CSNK2A1: variants seen among roughly 807,000 people sequenced by gnomAD.
The protein encoded by CSNK2A1 is casein kinase II subunit alpha.
Under a neutral mutation model 62.9 loss-of-function variants are expected in CSNK2A1, and 10 were observed. The ratio of observed to expected loss-of-function variants is 0.16; its 90% CI spans 0.10 to 0.27. The LOEUF is 0.27. Ranked by LOEUF, CSNK2A1 falls within the 10% of genes least tolerant of loss-of-function variation. CSNK2A1 has a pLI of 1.00. For missense variants in CSNK2A1, 160 were observed against 492.0 expected (o/e 0.33, Z 6.38); for synonymous variants, 124 against 167.8 (o/e 0.74, Z 2.02).
chr20:535,314 CATTGAT>C (rs1377585325), intron 1 of CSNK2A1, among the ~76,000 whole-genome samples: 1 of 152,188 alleles, frequency 6.6e-6, no homozygotes, highest in African/African-American at 2.4e-5. Context: ...TTTTATTTGA[CATTGAT>C]AACCTTCTCA....
In CSNK2A1 at chr20:482,541, C is replaced by T. The variant is rs2017974595; in HGVS notation, c.*1420G>A. ...GGCTTGTGGTGCTTTTTTTTTAAGG[C>T]CTCTCTGCTCTGCCCGGTACCATGG... On this transcript the variant is annotated 3_prime_UTR_variant, in exon 14 of 14. Transcript: ENST00000217244. 1 of 151,998 alleles carries T rather than the reference C, an allele frequency of 6.6e-6. No individual in the cohort carries two copies. The highest frequency in any genetic ancestry group is 2.1e-4 in the South Asian group (1 of 4,824). 9.4% of individuals were successfully genotyped at this position (151,998 alleles called of 1,614,324 possible).
At chr20:504,806 A>G (rs2018542358) in intron 4 of CSNK2A1, 1 of 299,014 alleles carries the variant, frequency 3.3e-6, no homozygotes, top group Non-Finnish European at 6.1e-6. Flanking sequence ...ATTGAAAACA[A>G]AAGCCTCATT....
chr20:484,612 TG>T (rs1268563362), intron 13 of CSNK2A1, among the ~76,000 whole-genome samples: 1 of 152,206 alleles, frequency 6.6e-6, no homozygotes, highest in Non-Finnish European at 1.5e-5. Context: ...TCAATTTGAA[TG>T]GGGAAAGAGC....
intron 2 of CSNK2A1, among the ~76,000 whole-genome samples, chr20:524,479 G>A (rs1042117731): frequency 1.3e-5 from 2 of 149,756 alleles, no homozygotes; most frequent in Non-Finnish European, 3.0e-5. Flanking sequence ...ATCTAGGCCA[G>A]GTGTGGTGGC....
At chr20:525,188 G>A (rs150663780) in intron 2 of CSNK2A1, among the ~76,000 whole-genome samples, 95 of 152,162 alleles carry the variant, frequency 6.2e-4, no homozygotes, top group Middle Eastern at 3.4e-3. Flanking sequence ...ATTTCAAAAC[G>A]TGGGATACAA....
chr20:527,828 T>A (rs1251985454), intron 2 of CSNK2A1, 105 bp downstream of exon 2: 1 of 152,246 alleles, frequency 6.6e-6, no homozygotes, highest in Non-Finnish European at 1.5e-5. Flanking sequence ...CATGAGCCAC[T>A]GTGCCCGGCC....
At chr20:488,040 CT>C (rs530136543) in intron 11 of CSNK2A1, 1,404 of 142,964 alleles carry the variant, frequency 9.8e-3, no homozygotes, top group South Asian at 0.023. Flanking sequence ...TGCATATAGC[CT>C]TTTTTTTTTT....
intron 2 of CSNK2A1, among the ~76,000 whole-genome samples, chr20:527,379 G>A (rs2019119816): frequency 6.6e-6 from 1 of 152,148 alleles, no homozygotes; most frequent in South Asian, 2.1e-4. Context: ...TCTTTGAACT[G>A]CACAGATTAA....
At chr20:528,418 CA>C (rs932846477) in intron 1 of CSNK2A1, among the ~76,000 whole-genome samples, 2 of 152,092 alleles carry the variant, frequency 1.3e-5, no homozygotes, top group African/African-American at 4.8e-5. Flanking sequence ...ATGCCTATGT[CA>C]GTCACTGATT....
chr20:534,745 C>T (rs1482688284), intron 1 of CSNK2A1, among the ~76,000 whole-genome samples: 1 of 151,792 alleles, frequency 6.6e-6, no homozygotes, highest in Non-Finnish European at 1.5e-5. Flanking sequence ...TTCTTCAGAC[C>T]AGGCTGGGTG....
rs2017779522 is a variant in CSNK2A1 at position 472,857 on chromosome 20, G to C, written c.*11104C>G. 1 of 152,154 alleles carries C rather than the reference G, an allele frequency of 6.6e-6. No individual in the cohort carries two copies. The highest frequency in any genetic ancestry group is 1.5e-5 in the Non-Finnish European group (1 of 68,030). The allele number at this position is 152,154 out of a possible 1,614,324, so 9.4% of individuals were successfully genotyped here. A position where few individuals can be genotyped will look rare whatever the true frequency, so the allele number is the denominator to read the frequency against. On this transcript the variant is annotated 3_prime_UTR_variant, in exon 14 of 14. Transcript: ENST00000217244. Reference sequence around the variant, plus strand: ...ACCTCTCGGCCTTCCAAGAAGGTTTGTGTCTTTCCTATAATTTCTCCCACC... The same window carrying C: ...ACCTCTCGGCCTTCCAAGAAGGTTTCTGTCTTTCCTATAATTTCTCCCACC...
At chr20:489,717 A>C in intron 10 of CSNK2A1, 63 bp downstream of exon 10, 1 of 1,348,998 alleles carries the variant, frequency 7.4e-7, no homozygotes, top group Non-Finnish European at 1.0e-6. Context: ...TGAAAGTTAC[A>C]GGCAGTGCTG....
In CSNK2A1 at chr20:487,623, AG is replaced by A. The variant is rs775358908; in HGVS notation, c.825-49del. On this transcript the variant is annotated intron_variant, in intron 11 of 13. Coordinates refer to ENST00000217244, the MANE Select transcript of CSNK2A1 (RefSeq NM_177559.3). ...GAGAAATGGGCCACGTGGGCACAGA[AG>A]CCCAACATTTCATTCCTACATTTTT... 1.9e-6 allele frequency: 3 copies of A among 1,612,112 alleles called. No individual in the cohort carries two copies. The South Asian group carries it at 3.3e-5, about 18-fold the overall frequency.
intron 1 of CSNK2A1, among the ~76,000 whole-genome samples, chr20:528,971 A>AC (rs1474345252): frequency 1.3e-5 from 2 of 152,242 alleles, no homozygotes; most frequent in African/African-American, 4.8e-5. Context: ...GGTTTCAGTT[A>AC]CCCGCAGTCA....
At chr20:502,759 T>C (rs934048665) in intron 4 of CSNK2A1, 24 of 152,376 alleles carry the variant, frequency 1.6e-4, no homozygotes, top group African/African-American at 5.5e-4. Context: ...AGATTATTTT[T>C]TCCAGGCCTT....
intron 2 of CSNK2A1, among the ~76,000 whole-genome samples, chr20:512,131 C>G (rs985282059): frequency 6.6e-6 from 1 of 151,956 alleles, no homozygotes; most frequent in Non-Finnish European, 1.5e-5. Flanking sequence ...TCAAGGGATC[C>G]TCCCACCTCG....
In CSNK2A1 at chr20:479,189, A is replaced by G. The variant is rs1296816655; in HGVS notation, c.*4772T>C. The G allele has an allele frequency of 6.6e-6, 1 of 152,384 alleles. No homozygotes were observed. Among genetic ancestry groups the G allele is most frequent in the East Asian group, 1.9e-4 (1 of 5,202 alleles). The allele number at this position is 152,384 out of a possible 1,614,324, so 9.4% of individuals were successfully genotyped here. ...AGAAATTTTCCAAATGCAAACATCT[A>G]TGGCCTCCCTATAATGTAGCATCCT... On this transcript the variant is annotated 3_prime_UTR_variant, in exon 14 of 14. Coordinates refer to ENST00000217244, the MANE Select transcript of CSNK2A1 (RefSeq NM_177559.3).
chr20:519,333 C>A (rs990241964), intron 2 of CSNK2A1, among the ~76,000 whole-genome samples: 1 of 152,170 alleles, frequency 6.6e-6, no homozygotes, highest in African/African-American at 2.4e-5. Flanking sequence ...CAATCAGACA[C>A]AATCAAATTC....
intron 2 of CSNK2A1, among the ~76,000 whole-genome samples, chr20:516,001 G>C (rs558519341): frequency 1.3e-5 from 2 of 151,876 alleles, no homozygotes. Flanking sequence ...TTTTCCCCTC[G>C]ATAATTCAAA....
Sources: allele counts gnomAD v4.1 joint callset (sites outside exome capture counted in the v4.1 genomes callset), GRCh38; gene constraint gnomAD v4.1.1; transcripts MANE v1.5; gene names NCBI Gene and HGNC (gene_info 2026-07-23, HGNC 2026-07-21).